The following ANGPT1 variants were observed in gnomAD, a reference collection of about 807,000 sequenced individuals.
ANGPT1 encodes the protein angiopoietin 1.
ANGPT1 carries 17 observed loss-of-function variants against 62.2 expected under a neutral mutation model. The ratio of observed to expected loss-of-function variants is 0.27; its 90% CI spans 0.19 to 0.41. ANGPT1 has a LOEUF of 0.41. Among genes scored for constraint, ANGPT1 ranks in the 10% least tolerant of loss-of-function variants. ANGPT1 has a pLI of 1.00. For missense variants in ANGPT1, 478 were observed against 594.9 expected, an observed-to-expected ratio of 0.80 and a Z score of 2.04; for synonymous variants, 199 against 198.9, an observed-to-expected ratio of 1.00 and a Z score of 0.00.
At chr8:107,414,989 G>C (rs891764315) in intron 1 of ANGPT1, among the ~76,000 whole-genome samples, 1 of 152,098 alleles carries the variant, frequency 6.6e-6, no homozygotes, top group Non-Finnish European at 1.5e-5. Flanking sequence ...CAGAATGCAG[G>C]CCTAAAATAC....
chr8:107,416,798 T>TC (rs1367539721), intron 1 of ANGPT1, among the ~76,000 whole-genome samples: 1 of 94,082 alleles, frequency 1.1e-5, no homozygotes, highest in African/African-American at 4.0e-5. Flanking sequence ...GGTCAGATAA[T>TC]CTTTTTTTTT....
At chr8:107,428,923 C>G (rs114520771) in intron 1 of ANGPT1, among the ~76,000 whole-genome samples, 1 of 152,230 alleles carries the variant, frequency 6.6e-6, no homozygotes, top group African/African-American at 2.4e-5. Context: ...TTCAATATTG[C>G]CTTTCATCCA....
At chr8:107,431,286 C>CA (rs1811180981) in intron 1 of ANGPT1, among the ~76,000 whole-genome samples, 1 of 152,174 alleles carries the variant, frequency 6.6e-6, no homozygotes, top group Non-Finnish European at 1.5e-5. Flanking sequence ...AATCACCTTG[C>CA]AAAAACACAG....
At chr8:107,413,892 T>A (rs182933143) in intron 1 of ANGPT1, among the ~76,000 whole-genome samples, 77 of 152,070 alleles carry the variant, frequency 5.1e-4, no homozygotes, top group Non-Finnish European at 8.8e-4. Context: ...AGATATGTTG[T>A]AGGTAAGATG....
intron 1 of ANGPT1, among the ~76,000 whole-genome samples, chr8:107,367,927 T>C (rs1816309605): frequency 6.6e-6 from 1 of 152,210 alleles, no homozygotes; most frequent in Non-Finnish European, 1.5e-5. Flanking sequence ...CTTAAAATCA[T>C]CCATGAGGGT....
intron 1 of ANGPT1, among the ~76,000 whole-genome samples, chr8:107,439,461 G>C (rs1563623137): frequency 6.6e-6 from 1 of 152,170 alleles, no homozygotes; most frequent in Non-Finnish European, 1.5e-5. Flanking sequence ...TCTCCACAGG[G>C]ACAAGAGCCA....
At chr8:107,303,815 C>T (rs1814652204) in intron 4 of ANGPT1, among the ~76,000 whole-genome samples, 1 of 151,716 alleles carries the variant, frequency 6.6e-6, no homozygotes, top group Non-Finnish European at 1.5e-5. Context: ...TAAATTCAAA[C>T]ATAAAAATGC....
chr8:107,453,113 G>C (rs1811821499), intron 1 of ANGPT1, among the ~76,000 whole-genome samples: 1 of 152,002 alleles, frequency 6.6e-6, no homozygotes, highest in Non-Finnish European at 1.5e-5. Flanking sequence ...ATGTTGAGGA[G>C]TGATCATTCT....
At chr8:107,493,812 T>C (rs1467854731) in intron 1 of ANGPT1, among the ~76,000 whole-genome samples, 1 of 150,440 alleles carries the variant, frequency 6.6e-6, no homozygotes, top group African/African-American at 2.5e-5. Flanking sequence ...GGGATTAATA[T>C]ATATGTAATA....
In ANGPT1 at chr8:107,303,371, C is replaced by CAA. The variant is rs149628829; in HGVS notation, c.809-6_809-5dup. ...CTTTTTCCTCCCTTTAGTAAAACTG[C>CAA]AAAAAAAAAAAAAAAGATTGCAATA... On this transcript the variant is annotated splice_polypyrimidine_tract_variant and splice_region_variant and intron_variant, in intron 4 of 8. Coordinates refer to ENST00000517746, the MANE Select transcript of ANGPT1 (RefSeq NM_001146.5). 24,275 of 1,418,038 alleles carry CAA rather than the reference C, an allele frequency of 0.017. 662 individuals are homozygous for CAA. The African/African-American group carries it at 0.18, about 10-fold the overall frequency. The allele number at this position is 1,418,038 out of a possible 1,614,324, so 87.8% of individuals were successfully genotyped here. A position where few individuals can be genotyped will look rare whatever the true frequency, so the allele number is the denominator to read the frequency against.
intron 4 of ANGPT1, among the ~76,000 whole-genome samples, chr8:107,307,578 C>T (rs1401349284): frequency 6.6e-6 from 1 of 152,080 alleles, no homozygotes; most frequent in Non-Finnish European, 1.5e-5. Flanking sequence ...TCTTTCCCCT[C>T]GCGTTTTTTG....
chr8:107,425,159 C>T (rs570744986), intron 1 of ANGPT1, among the ~76,000 whole-genome samples: 3 of 152,324 alleles, frequency 2.0e-5, no homozygotes, highest in South Asian at 2.1e-4. Flanking sequence ...AGGCATGAGC[C>T]GCTGCACCCA....
chr8:107,387,805 A>G (rs1013596284), intron 1 of ANGPT1, among the ~76,000 whole-genome samples: 1 of 151,844 alleles, frequency 6.6e-6, no homozygotes, highest in Admixed American at 6.6e-5. Flanking sequence ...TTAAGATTAA[A>G]TTTTGTATTA....
chr8:107,368,377 C>T (rs1378259456), intron 1 of ANGPT1, among the ~76,000 whole-genome samples: 1 of 151,896 alleles, frequency 6.6e-6, no homozygotes, highest in Non-Finnish European at 1.5e-5. Flanking sequence ...TGTTTGGTTC[C>T]ATTTCTAGAG....
rs73701014 is a variant in ANGPT1, at chr8:107,280,541, A to G, written c.1205+4141T>C. Among the ~76,000 whole-genome samples the G allele has an allele frequency of 9.5e-3, 1,444 of 152,300 alleles. 22 individuals carry two copies. Among genetic ancestry groups the G allele is most frequent in the African/African-American group, 0.033 (1,376 of 41,566 alleles). ...AAGACTTGGAATAAGAGAGAATCTT[A>G]AAGATTTAAGATGTATCCATGTGAC... is the stretch of plus-strand genomic sequence containing the variant. On this transcript the variant is annotated intron_variant, in intron 7 of 8. Transcript: ENST00000517746.
At chr8:107,276,094 C>T (rs1006643200) in intron 7 of ANGPT1, among the ~76,000 whole-genome samples, 2 of 152,024 alleles carry the variant, frequency 1.3e-5, no homozygotes, top group Admixed American at 6.6e-5. Context: ...CCTCTGAAGA[C>T]CCAGGAAGCC....
At chr8:107,326,583 C>G (rs1166702177) in intron 3 of ANGPT1, among the ~76,000 whole-genome samples, 3 of 152,056 alleles carry the variant, frequency 2.0e-5, no homozygotes, top group Admixed American at 2.0e-4. Flanking sequence ...TGGCTAGTAT[C>G]TACTTTGGAA....
At chr8:107,448,569 T>A (rs921671246) in intron 1 of ANGPT1, among the ~76,000 whole-genome samples, 1 of 151,958 alleles carries the variant, frequency 6.6e-6, no homozygotes, top group African/African-American at 2.4e-5. Flanking sequence ...GGCTAGGGAG[T>A]ACAGGAGAGG....
chr8:107,377,807 T>G (rs999555356), intron 1 of ANGPT1, among the ~76,000 whole-genome samples: 2 of 152,066 alleles, frequency 1.3e-5, no homozygotes, highest in African/African-American at 4.8e-5. Flanking sequence ...GTCAAGAACG[T>G]AAAAACAGAT....
Sources: allele counts gnomAD v4.1 joint callset (sites outside exome capture counted in the v4.1 genomes callset), GRCh38; gene constraint gnomAD v4.1.1; transcripts MANE v1.5; gene names NCBI Gene and HGNC (gene_info 2026-07-23, HGNC 2026-07-21).